Variants in NUBPL observed in about 807,000 individuals in gnomAD.
NUBPL encodes the protein iron-sulfur cluster transfer protein NUBPL.
In NUBPL, 31 loss-of-function variants were observed where a neutral mutation model predicts 45.7. The observed-to-expected ratio is 0.68, with a 90% CI of 0.51 to 0.92. The LOEUF (loss-of-function observed/expected upper bound fraction) is 0.92, where lower values mean the gene tolerates loss of function less well. Among genes scored for constraint, NUBPL ranks in the 40% least tolerant of loss-of-function variants. The probability of loss-of-function intolerance (pLI) is 0.00; values close to 1 mark genes in which losing one functional copy is unlikely to be tolerated. For missense variants in NUBPL, 401 were observed against 398.7 expected, an observed-to-expected ratio of 1.01 and a Z score of -0.05; for synonymous variants, 144 against 140.9, an observed-to-expected ratio of 1.02 and a Z score of -0.15.
intron 10 of NUBPL, 56 bp from the exon 11 acceptor site, chr14:31,859,062 G>A (rs2040670330): frequency 2.0e-6 from 3 of 1,470,288 alleles, no homozygotes; most frequent in Non-Finnish European, 2.9e-6. Flanking sequence ...CAGTTGATGA[G>A]TCATTCAATG....
chr14:31,749,103 G>T (rs1039878054), intron 6 of NUBPL, among the ~76,000 whole-genome samples: 26 of 152,156 alleles, frequency 1.7e-4, no homozygotes, highest in African/African-American at 5.8e-4. Context: ...TCTTTAATTT[G>T]GGAATTTAAT....
intron 6 of NUBPL, among the ~76,000 whole-genome samples, chr14:31,736,452 C>T (rs2038167667): frequency 6.6e-6 from 1 of 152,102 alleles, no homozygotes; most frequent in Non-Finnish European, 1.5e-5. Flanking sequence ...TTTGCCTGCC[C>T]TTGAACTTCA....
At chr14:31,739,189 T>C (rs1488241222) in intron 6 of NUBPL, among the ~76,000 whole-genome samples, 4 of 145,032 alleles carry the variant, frequency 2.8e-5, no homozygotes, top group Non-Finnish European at 6.0e-5. Context: ...AATATATATA[T>C]ATATATTATA....
intron 8 of NUBPL, among the ~76,000 whole-genome samples, chr14:31,840,435 G>T (rs956734528): frequency 9.9e-5 from 15 of 152,110 alleles, no homozygotes; most frequent in African/African-American, 3.6e-4. Flanking sequence ...TTAGCCAGAC[G>T]TGGTGGCGGG....
Position 31,826,680 on chromosome 14 carries a change from AG to A in NUBPL, c.662del (p.Gly221ValfsTer19). The A allele has an allele frequency of 6.2e-7, 1 of 1,614,164 alleles. No homozygotes were observed. Among genetic ancestry groups the A allele is most frequent in the Non-Finnish European group, 8.5e-7 (1 of 1,179,996 alleles). ...PQDIALMDAHKGAEMFRRVHV... is the reference protein window; with the variant it reads ...PQDIALMDAHXGAEMFRRVHV... ...GACATCGCATTGATGGATGCACACA[AG>A]GGTGCTGAGATGTTTCGCAGAGTCC... On this transcript the variant is annotated frameshift_variant, in exon 8 of 11. Coordinates refer to ENST00000281081, the MANE Select transcript of NUBPL (RefSeq NM_025152.3). LOFTEE classifies it high-confidence loss of function.
intron 6 of NUBPL, among the ~76,000 whole-genome samples, chr14:31,722,473 G>A (rs971517116): frequency 2.6e-5 from 4 of 152,108 alleles, no homozygotes; most frequent in Non-Finnish European, 5.9e-5. Context: ...GGGATTGCTG[G>A]GTCAAATGGT....
chr14:31,850,290 T>C (rs2139003406), intron 10 of NUBPL, 89 bp downstream of exon 10: 1 of 942,424 alleles, frequency 1.1e-6, no homozygotes, highest in East Asian at 2.5e-5. Flanking sequence ...AGCGTTTATA[T>C]TTGCAGTGCA....
intron 6 of NUBPL, among the ~76,000 whole-genome samples, chr14:31,752,798 A>T (rs1462212341): frequency 6.6e-6 from 1 of 152,206 alleles, no homozygotes; most frequent in African/African-American, 2.4e-5. Context: ...ACTACCTAAG[A>T]CTGGATAATT....
chr14:31,565,131 C>A, intron 3 of NUBPL, 83 bp downstream of exon 3: 2 of 803,336 alleles, frequency 2.5e-6, no homozygotes, highest in East Asian at 5.4e-5. Flanking sequence ...TTTTTATTTA[C>A]TCTGTCAGAA....
intron 6 of NUBPL, among the ~76,000 whole-genome samples, chr14:31,682,316 A>T (rs1443133458): frequency 5.3e-5 from 8 of 152,186 alleles, no homozygotes; most frequent in Admixed American, 4.6e-4. Flanking sequence ...AGTCTACTTT[A>T]TCTGATACTA....
intron 6 of NUBPL, among the ~76,000 whole-genome samples, chr14:31,720,269 A>T (rs2037779869): frequency 6.6e-6 from 1 of 152,222 alleles, no homozygotes; most frequent in Non-Finnish European, 1.5e-5. Flanking sequence ...GGAGTACTGC[A>T]ATAATAACGT....
intron 4 of NUBPL, among the ~76,000 whole-genome samples, chr14:31,628,686 C>A (rs1595391689): frequency 6.6e-6 from 1 of 152,098 alleles, no homozygotes. Context: ...AAAAATGCCT[C>A]TAGTTCAGCT....
intron 6 of NUBPL, among the ~76,000 whole-genome samples, chr14:31,675,984 A>G (rs568441730): frequency 2.0e-5 from 3 of 150,818 alleles, no homozygotes; most frequent in East Asian, 3.9e-4. Flanking sequence ...TGAGTTTTAC[A>G]TGTTTTTAAA....
chr14:31,825,637 C>T (rs934678965), intron 7 of NUBPL, among the ~76,000 whole-genome samples: 3 of 114,268 alleles, frequency 2.6e-5, no homozygotes, highest in African/African-American at 4.6e-5. Flanking sequence ...CTCCTCCTCC[C>T]CTCTTTCTCC....
chr14:31,841,935 T>G lies in NUBPL; in HGVS notation c.694-4536T>G, dbSNP rs1378132292. ...TTCTGGGCTTTTTTTTTTTTTTTTTTTTTTTTTTTTTTTGAGACGGGGTCT... is the reference window on the plus strand; with the variant it reads ...TTCTGGGCTTTTTTTTTTTTTTTTTGTTTTTTTTTTTTTGAGACGGGGTCT... On this transcript the variant is annotated intron_variant, in intron 8 of 10. Coordinates refer to ENST00000281081, the MANE Select transcript of NUBPL (RefSeq NM_025152.3). 1.2e-4 allele frequency among the ~76,000 whole-genome samples: 15 copies of G among 126,164 alleles called. 4 individuals are homozygous for G. The highest frequency in any genetic ancestry group is 2.5e-4 in the Non-Finnish European group (15 of 59,924). The allele number at this position is 126,164 out of a possible 152,430, so 82.8% of individuals were successfully genotyped here. A position where few individuals can be genotyped will look rare whatever the true frequency, so the allele number is the denominator to read the frequency against.
At chr14:31,834,686 G>C (rs535663199) in intron 8 of NUBPL, among the ~76,000 whole-genome samples, 4 of 152,224 alleles carry the variant, frequency 2.6e-5, no homozygotes, top group Admixed American at 6.5e-5. Flanking sequence ...CTAGAATGCT[G>C]TTCTATGTGA....
chr14:31,677,451 TG>T (rs754817419), intron 6 of NUBPL, among the ~76,000 whole-genome samples: 4 of 152,216 alleles, frequency 2.6e-5, no homozygotes, highest in Non-Finnish European at 5.9e-5. Context: ...TATCTTTCTA[TG>T]TCTGGCTTAT....
At chr14:31,568,818 A>G (rs899949111) in intron 3 of NUBPL, among the ~76,000 whole-genome samples, 5 of 152,248 alleles carry the variant, frequency 3.3e-5, no homozygotes. Flanking sequence ...AAACAGGTCC[A>G]GGAAGCAATT....
At chr14:31,839,757 A>G (rs1407420676) in intron 8 of NUBPL, among the ~76,000 whole-genome samples, 2 of 152,150 alleles carry the variant, frequency 1.3e-5, no homozygotes, top group African/African-American at 4.8e-5. Context: ...AAAACAAACA[A>G]CCTGATTTTT....
Sources: gnomAD v4.1 joint callset for allele counts (sites outside exome capture counted in the v4.1 genomes callset) on GRCh38, gnomAD v4.1.1 for gene constraint, MANE v1.5 for transcripts, NCBI Gene and HGNC (gene_info 2026-07-23, HGNC 2026-07-21) for gene names.